Variants in HCN1 observed in about 807,000 individuals in gnomAD.
HCN1 encodes the protein potassium/sodium hyperpolarization-activated cyclic nucleotide-gated channel 1.
In HCN1, 13 loss-of-function variants were observed where a neutral mutation model predicts 78.9. That is an observed-to-expected ratio of 0.16 (90% CI 0.11 to 0.26). The LOEUF (loss-of-function observed/expected upper bound fraction) is 0.26. Ranked by LOEUF, HCN1 falls within the 10% of genes least tolerant of loss-of-function variation. The pLI is 1.00. For synonymous variants in HCN1, 552 were observed against 455.5 expected (o/e 1.21, Z -2.70); for missense variants, 810 against 1,154.3 (o/e 0.70, Z 4.32).
At chr5:45,490,571 C>A (rs1297595691) in intron 2 of HCN1, among the ~76,000 whole-genome samples, 1 of 152,102 alleles carries the variant, frequency 6.6e-6, no homozygotes, top group Non-Finnish European at 1.5e-5. Flanking sequence ...CCCATTAACT[C>A]TCCTCCAGTT....
At chr5:45,381,200 T>C (rs1747801036) in intron 4 of HCN1, among the ~76,000 whole-genome samples, 1 of 152,158 alleles carries the variant, frequency 6.6e-6, no homozygotes, top group East Asian at 1.9e-4. Flanking sequence ...TAAGATACTT[T>C]TGAAAATAAT....
chr5:45,695,109 T>C (rs1373891420), intron 1 of HCN1: 1 of 153,128 alleles, frequency 6.5e-6, no homozygotes, highest in African/African-American at 2.4e-5. Flanking sequence ...CCGGCCGCTG[T>C]TTCTGAGTAA....
chr5:45,494,842 T>C (rs1741988982), intron 2 of HCN1, among the ~76,000 whole-genome samples: 1 of 152,200 alleles, frequency 6.6e-6, no homozygotes, highest in African/African-American at 2.4e-5. Flanking sequence ...CTCAGCACCA[T>C]TTATTAAATA....
intron 4 of HCN1, among the ~76,000 whole-genome samples, chr5:45,364,309 G>T (rs1410464430): frequency 6.6e-6 from 1 of 152,088 alleles, no homozygotes; most frequent in African/African-American, 2.4e-5. Context: ...CAATGGTCCA[G>T]CAGAGAACAA....
At chr5:45,516,023 C>T (rs1451057354) in intron 2 of HCN1, among the ~76,000 whole-genome samples, 1 of 151,858 alleles carries the variant, frequency 6.6e-6, no homozygotes, top group Non-Finnish European at 1.5e-5. Context: ...AATTGAGAAA[C>T]CTCAAACAGC....
At chr5:45,661,204 A>C (rs1217832224) in intron 1 of HCN1, among the ~76,000 whole-genome samples, 1 of 131,180 alleles carries the variant, frequency 7.6e-6, no homozygotes, top group Admixed American at 8.0e-5. Context: ...CTGAATGACT[A>C]CTGGGTACAT....
At chr5:45,520,329 G>T (rs1223834847) in intron 2 of HCN1, among the ~76,000 whole-genome samples, 7 of 151,750 alleles carry the variant, frequency 4.6e-5, no homozygotes, top group Non-Finnish European at 1.0e-4. Context: ...CTCTTCATAG[G>T]GATTAATTGG....
At chr5:45,343,994 G>T (rs1746643712) in intron 5 of HCN1, among the ~76,000 whole-genome samples, 1 of 152,044 alleles carries the variant, frequency 6.6e-6, no homozygotes, top group Non-Finnish European at 1.5e-5. Flanking sequence ...TGTTAATAAA[G>T]ACATAACTGA....
rs1297502396 is a variant in HCN1 at position 45,612,467 on chromosome 5, T to C, written c.849+32718A>G. Among the ~76,000 whole-genome samples the C allele has an allele frequency of 4.6e-5, 7 of 152,208 alleles. No homozygotes were observed. In the South Asian group the frequency reaches 6.2e-4, roughly 13 times the overall value. ...GACAGCCAACACATACTGATTAATA[T>C]TGAAATCATTTTATTATTTTAAAAG... On this transcript the variant is annotated intron_variant, in intron 2 of 7. Transcript: ENST00000303230.
At chr5:45,547,963 A>G (rs993706203) in intron 2 of HCN1, among the ~76,000 whole-genome samples, 3 of 151,940 alleles carry the variant, frequency 2.0e-5, no homozygotes, top group Non-Finnish European at 4.4e-5. Flanking sequence ...GATTTTTCAA[A>G]TCACTATTTG....
chr5:45,291,763 C>A (rs895921343), intron 6 of HCN1, among the ~76,000 whole-genome samples: 4 of 152,074 alleles, frequency 2.6e-5, no homozygotes, highest in Admixed American at 6.6e-5. Flanking sequence ...CTCCTGGGAT[C>A]AAGTGATCCT....
chr5:45,348,517 T>C (rs1474115728), intron 5 of HCN1, among the ~76,000 whole-genome samples: 1 of 152,124 alleles, frequency 6.6e-6, no homozygotes, highest in Non-Finnish European at 1.5e-5. Flanking sequence ...CACATAACGA[T>C]ATTAACTTTA....
At chr5:45,487,887 G>A (rs1239049009) in intron 2 of HCN1, among the ~76,000 whole-genome samples, 1 of 151,998 alleles carries the variant, frequency 6.6e-6, no homozygotes, top group African/African-American at 2.4e-5. Flanking sequence ...AGAAACAGAA[G>A]GGTTTCGATC....
chr5:45,363,501 A>T (rs1321685335), intron 4 of HCN1, among the ~76,000 whole-genome samples: 1 of 151,960 alleles, frequency 6.6e-6, no homozygotes, highest in East Asian at 1.9e-4. Flanking sequence ...AGAGAGTGTC[A>T]GTAGGACTAA....
intron 2 of HCN1, among the ~76,000 whole-genome samples, chr5:45,483,603 GT>G (rs1489701179): frequency 2.0e-5 from 3 of 152,030 alleles, no homozygotes; most frequent in Non-Finnish European, 4.4e-5. Context: ...TTCTTTTGTT[GT>G]TCAGAAGCTC....
At chr5:45,336,285 C>T (rs950859939) in intron 5 of HCN1, among the ~76,000 whole-genome samples, 8 of 152,060 alleles carry the variant, frequency 5.3e-5, no homozygotes, top group African/African-American at 1.9e-4. Context: ...GAATATACCA[C>T]ACAGTAATAG....
chr5:45,373,639 G>T (rs1007480287), intron 4 of HCN1, among the ~76,000 whole-genome samples: 2 of 125,584 alleles, frequency 1.6e-5, no homozygotes, highest in African/African-American at 3.1e-5. Flanking sequence ...CGGTATATAC[G>T]TCATCTATAA....
intron 2 of HCN1, among the ~76,000 whole-genome samples, chr5:45,592,886 T>G (rs1440577194): frequency 6.6e-6 from 1 of 152,236 alleles, no homozygotes; most frequent in Non-Finnish European, 1.5e-5. Flanking sequence ...CCTAGATAAC[T>G]TCACTTAGGA....
At chr5:45,651,277 C>T (rs1745671286) in intron 1 of HCN1, among the ~76,000 whole-genome samples, 1 of 151,964 alleles carries the variant, frequency 6.6e-6, no homozygotes, top group African/African-American at 2.4e-5. Context: ...TGAAATATAG[C>T]ACCTCTTTGG....
Sources: allele counts gnomAD v4.1 joint callset (sites outside exome capture counted in the v4.1 genomes callset), GRCh38; gene constraint gnomAD v4.1.1; transcripts MANE v1.5; gene names NCBI Gene and HGNC (gene_info 2026-07-23, HGNC 2026-07-21).